Variants in PCDHGA11 observed in about 807,000 individuals in gnomAD.
PCDHGA11 encodes the protein protocadherin gamma subfamily A, 11.
In PCDHGA11, 39 loss-of-function variants were observed where a neutral mutation model predicts 60.4. The observed-to-expected ratio is 0.65, with a 90% CI of 0.50 to 0.84. PCDHGA11 has a LOEUF of 0.84. PCDHGA11 is among the 40% of genes least tolerant of loss of function. The pLI, the probability that PCDHGA11 is intolerant of heterozygous loss-of-function variation, is 0.00. For synonymous variants in PCDHGA11, 533 were observed against 510.3 expected, an observed-to-expected ratio of 1.04 and a Z score of -0.60; for missense variants, 1,165 against 1,197.7, an observed-to-expected ratio of 0.97 and a Z score of 0.40.
chr5:141,496,478 G>A lies in PCDHGA11; in HGVS notation c.2492+1613G>A, dbSNP rs150992994. 7.2e-3 allele frequency among the ~76,000 whole-genome samples: 1,093 copies of A among 152,228 alleles called. 19 individuals are homozygous for A. The highest frequency in any genetic ancestry group is 0.025 in the African/African-American group (1,039 of 41,518). ...CCAAGAGTTATCTTTCCCCCATCCT[G>A]CAACCAACCAAACCCTTGTTGCCAC... is the stretch of plus-strand genomic sequence containing the variant. On this transcript the variant is annotated intron_variant, in intron 2 of 3. Transcript: ENST00000398587.
intron 1 of PCDHGA11, among the ~76,000 whole-genome samples, chr5:141,445,356 A>C (rs1333905692): frequency 6.6e-6 from 1 of 152,202 alleles, no homozygotes; most frequent in Non-Finnish European, 1.5e-5. Flanking sequence ...TGTCTGCCCA[A>C]GTCTGGTCCT....
rs2097419057 is a variant in PCDHGA11 at position 141,431,807 on chromosome 5, A to G, written c.2433+8147A>G. 4 of 1,614,050 alleles carry G rather than the reference A, an allele frequency of 2.5e-6. No individual in the cohort carries two copies. Among genetic ancestry groups the G allele is most frequent in the Non-Finnish European group, 2.5e-6 (3 of 1,180,038 alleles). On this transcript the variant is annotated intron_variant, in intron 1 of 3. Coordinates refer to ENST00000398587, the MANE Select transcript of PCDHGA11 (RefSeq NM_018914.3). This position sits in a 1 kb window ranked among gnomAD's most constrained non-coding sequence, Gnocchi z 4.8. ...CGACAATGCCCCAGAAGTGGTCCTC[A>G]CCTCTCTCGCCAGCTCGGTTCCCGA... is the stretch of plus-strand genomic sequence containing the variant.
rs956263164 is a variant in PCDHGA11 at position 141,511,304 on chromosome 5, C to G, written c.*131C>G. The G allele has an allele frequency of 3.3e-5, 49 of 1,490,320 alleles. No homozygotes were observed. The highest frequency in any genetic ancestry group is 4.2e-5 in the African/African-American group (3 of 71,286). The allele number at this position is 1,490,320 out of a possible 1,614,324, so 92.3% of individuals were successfully genotyped here. ...TGGTAGGGGCCAAGGCCATGCTCCC[C>G]TTGGGAAACAGAAACAAGTGCCCAG... On this transcript the variant is annotated 3_prime_UTR_variant, in exon 4 of 4. Coordinates refer to ENST00000398587, the MANE Select transcript of PCDHGA11 (RefSeq NM_018914.3).
chr5:141,431,435 G>C lies in PCDHGA11; in HGVS notation c.2433+7775G>C, dbSNP rs376827063. The C allele has an allele frequency of 6.2e-7, 1 of 1,613,668 alleles. No homozygotes were observed. The highest frequency in any genetic ancestry group is 1.7e-5 in the Admixed American group (1 of 60,010). On this transcript the variant is annotated intron_variant, in intron 1 of 3. Coordinates refer to ENST00000398587, the MANE Select transcript of PCDHGA11 (RefSeq NM_018914.3). This position sits in a 1 kb window ranked among gnomAD's most constrained non-coding sequence, Gnocchi z 4.8. ...GGGCGACCCGGTGCGCACAGGCACC[G>C]CGCGCATCCGCGTGATGGTTCTGGA...
In PCDHGA11 at chr5:141,431,889, A is replaced by G; in HGVS notation, c.2433+8229A>G. 1 of 1,614,170 alleles carries G rather than the reference A, an allele frequency of 6.2e-7. No homozygotes were observed. The highest frequency in any genetic ancestry group is 2.2e-5 in the East Asian group (1 of 44,888). On this transcript the variant is annotated intron_variant, in intron 1 of 3. Transcript: ENST00000398587. The surrounding 1 kb of genome is among the most constrained non-coding windows in gnomAD (Gnocchi z 4.8). The stretch of plus-strand genomic sequence containing the variant: ...TTAAATGTAAATGACCAAGATTCTG[A>G]GGAAAACGGACAGGTGATCTGTTTC...
Position 141,489,560 on chromosome 5 carries a change from A to G in PCDHGA11, c.2434-5247A>G. On this transcript the variant is annotated intron_variant, in intron 1 of 3. Coordinates refer to ENST00000398587, the MANE Select transcript of PCDHGA11 (RefSeq NM_018914.3). The surrounding 1 kb of genome is among the most constrained non-coding windows in gnomAD (Gnocchi z 4.5). Reference sequence around the variant, plus strand: ...AGCACCAGCTGCCTGCTGCCAGTGCAGGTGGTGACTGAACACCCCCTGGAG... The same window carrying G: ...AGCACCAGCTGCCTGCTGCCAGTGCGGGTGGTGACTGAACACCCCCTGGAG... 1.2e-6 allele frequency: 2 copies of G among 1,614,142 alleles called. No homozygotes were observed. The highest frequency in any genetic ancestry group is 1.7e-6 in the Non-Finnish European group (2 of 1,180,030).
Position 141,489,268 on chromosome 5 carries a change from G to T in PCDHGA11, c.2434-5539G>T. On this transcript the variant is annotated intron_variant, in intron 1 of 3. Transcript: ENST00000398587. This position sits in a 1 kb window ranked among gnomAD's most constrained non-coding sequence, Gnocchi z 4.5. The stretch of plus-strand genomic sequence containing the variant: ...GGGGCCCAAGACACTCCCACAGCTC[G>T]CTGGGAAATGGCAAGTGCTGTGCAT... The T allele has an allele frequency of 3.9e-6, 6 of 1,553,284 alleles. No homozygotes were observed. The South Asian group carries it at 5.0e-5, about 13-fold the overall frequency.
In PCDHGA11 at chr5:141,432,571, G is replaced by C; in HGVS notation, c.2433+8911G>C. On this transcript the variant is annotated intron_variant, in intron 1 of 3. Transcript: ENST00000398587. The surrounding 1 kb of genome is among the most constrained non-coding windows in gnomAD (Gnocchi z 6.0). ...GAGACTCCGGCCAGAACGCCTGGCT[G>C]TCCTACCGTCTGCTCAAGGCCAGCG... The C allele has an allele frequency of 6.2e-7, 1 of 1,613,954 alleles. No individual in the cohort carries two copies. The highest frequency in any genetic ancestry group is 8.5e-7 in the Non-Finnish European group (1 of 1,179,992).
intron 1 of PCDHGA11, chr5:141,479,339 G>GTA (rs1298553162): frequency 1.3e-5 from 2 of 152,644 alleles, no homozygotes; most frequent in East Asian, 3.8e-4. Context: ...GTGTGCACCT[G>GTA]TAGTTCTTGC....
intron 1 of PCDHGA11, among the ~76,000 whole-genome samples, chr5:141,449,674 TA>T (rs2154562752): frequency 6.6e-6 from 1 of 151,604 alleles, no homozygotes; most frequent in African/African-American, 2.4e-5. Context: ...AGTGTGTATG[TA>T]TATATGTTTG....
intron 1 of PCDHGA11, among the ~76,000 whole-genome samples, chr5:141,482,755 T>TGAAGTGGGAGAATTGCTTGAGCCTGGG (rs1554165462): frequency 6.3e-5 from 9 of 143,570 alleles, no homozygotes; most frequent in African/African-American, 1.4e-4. Context: ...GGGATTATGG[T>TGAAGTGGGAGAATTGCTTGAGCCTGGG]ATTTCATTAT....
At chr5:141,427,901 G>T in intron 1 of PCDHGA11, 1 of 1,572,232 alleles carries the variant, frequency 6.4e-7, no homozygotes. Flanking sequence ...GCTCGCCCGC[G>T]CTCAGCGCCA....
Position 141,476,017 on chromosome 5 carries a change from G to C in PCDHGA11, c.2434-18790G>C. The C allele has an allele frequency of 1.5e-6, 2 of 1,369,942 alleles. No individual in the cohort carries two copies. The highest frequency in any genetic ancestry group is 2.0e-6 in the Non-Finnish European group (2 of 1,015,658). The allele number at this position is 1,369,942 out of a possible 1,614,324, so 84.9% of individuals were successfully genotyped here. A position where few individuals can be genotyped will look rare whatever the true frequency, so the allele number is the denominator to read the frequency against. On this transcript the variant is annotated intron_variant, in intron 1 of 3. Coordinates refer to ENST00000398587, the MANE Select transcript of PCDHGA11 (RefSeq NM_018914.3). This position sits in a 1 kb window ranked among gnomAD's most constrained non-coding sequence, Gnocchi z 7.6. ...CAACGGCATCCAGAAAGCCATGTCG[G>C]ACTCGGCGCCCAGCGCCCAAGCGCT...
At chr5:141,436,181 T>C (rs1050736907) in intron 1 of PCDHGA11, among the ~76,000 whole-genome samples, 2 of 152,092 alleles carry the variant, frequency 1.3e-5, no homozygotes, top group African/African-American at 4.8e-5. Flanking sequence ...TCATATATAG[T>C]CAAATAGAAA....
chr5:141,470,855 G>A (rs2099242095), intron 1 of PCDHGA11, among the ~76,000 whole-genome samples: 3 of 151,856 alleles, frequency 2.0e-5, no homozygotes, highest in Admixed American at 2.0e-4. Context: ...GCTCAGATAA[G>A]TTTTTTGTTT....
chr5:141,450,278 G>A (rs977381598), intron 1 of PCDHGA11, among the ~76,000 whole-genome samples: 1 of 152,026 alleles, frequency 6.6e-6, no homozygotes, highest in Non-Finnish European at 1.5e-5. Flanking sequence ...TCAGCTAAGT[G>A]CTGGGATTAC....
Position 141,487,562 on chromosome 5 carries a change from G to C in PCDHGA11, c.2434-7245G>C. The stretch of plus-strand genomic sequence containing the variant: ...GAAGTCACCCAGTGCACCTATGGCA[G>C]GGGAGCCTGTTCGCCCAAGCTGCCC... On this transcript the variant is annotated intron_variant, in intron 1 of 3. Coordinates refer to ENST00000398587, the MANE Select transcript of PCDHGA11 (RefSeq NM_018914.3). The surrounding 1 kb of genome is among the most constrained non-coding windows in gnomAD (Gnocchi z 5.0). The C allele has an allele frequency of 6.2e-7, 1 of 1,614,178 alleles. No homozygotes were observed.
In PCDHGA11 at chr5:141,489,873, G is replaced by A. The variant is rs1252665956; in HGVS notation, c.2434-4934G>A. The A allele has an allele frequency of 4.3e-6, 7 of 1,614,224 alleles. No homozygotes were observed. The highest frequency in any genetic ancestry group is 5.9e-6 in the Non-Finnish European group (7 of 1,180,030). On this transcript the variant is annotated intron_variant, in intron 1 of 3. Coordinates refer to ENST00000398587, the MANE Select transcript of PCDHGA11 (RefSeq NM_018914.3). The surrounding 1 kb of genome is among the most constrained non-coding windows in gnomAD (Gnocchi z 4.5). Reference sequence around the variant, plus strand: ...AAGCCCAGGCAAGACATCAGCTGGTGCTTACTGCTGTGGATGGGGGGACCC... The same window carrying A: ...AAGCCCAGGCAAGACATCAGCTGGTACTTACTGCTGTGGATGGGGGGACCC...
chr5:141,455,817 A>G (rs1251279680), intron 1 of PCDHGA11, among the ~76,000 whole-genome samples: 3 of 151,882 alleles, frequency 2.0e-5, no homozygotes, highest in Non-Finnish European at 4.4e-5. Flanking sequence ...AAAACTTCCC[A>G]AGGACCCCTT....
Sources: gnomAD v4.1 joint callset for allele counts (sites outside exome capture counted in the v4.1 genomes callset) on GRCh38, gnomAD v4.1.1 for gene constraint, Gnocchi (gnomAD v3.1) non-coding constraint, MANE v1.5 for transcripts, NCBI Gene and HGNC (gene_info 2026-07-23, HGNC 2026-07-21) for gene names.